CTNND2: variants seen among roughly 807,000 people sequenced by gnomAD.
The protein encoded by CTNND2 is catenin delta-2.
Under a neutral mutation model 144.4 loss-of-function variants are expected in CTNND2, and 22 were observed. The observed-to-expected ratio is 0.15, with a 90% confidence interval of 0.11 to 0.22. The LOEUF (loss-of-function observed/expected upper bound fraction) is 0.22. CTNND2 is among the 10% of genes least tolerant of loss of function. CTNND2 has a pLI of 1.00. For missense variants in CTNND2, 1,353 were observed against 1,618.8 expected, an observed-to-expected ratio of 0.84 and a Z score of 2.82; for synonymous variants, 751 against 695.6, an observed-to-expected ratio of 1.08 and a Z score of -1.25.
chr5:11,788,656 T>C (rs1442909384), intron 1 of CTNND2, among the ~76,000 whole-genome samples: 2 of 152,168 alleles, frequency 1.3e-5, no homozygotes, highest in Non-Finnish European at 1.5e-5. Context: ...TGCTCATGCA[T>C]ACTTTGTCTT....
chr5:11,402,688 A>T (rs1760737570), intron 5 of CTNND2, among the ~76,000 whole-genome samples: 1 of 152,192 alleles, frequency 6.6e-6, no homozygotes, highest in African/African-American at 2.4e-5. Flanking sequence ...CAGCGCATCT[A>T]CCATTCCAAA....
intron 3 of CTNND2, among the ~76,000 whole-genome samples, chr5:11,455,309 C>A (rs561439200): frequency 2.0e-5 from 3 of 152,094 alleles, no homozygotes; most frequent in Non-Finnish European, 4.4e-5. Context: ...GTGCAAAGAA[C>A]GATACTTATT....
intron 3 of CTNND2, among the ~76,000 whole-genome samples, chr5:11,434,848 G>A (rs1763618015): frequency 6.6e-6 from 1 of 152,068 alleles, no homozygotes; most frequent in African/African-American, 2.4e-5. Flanking sequence ...ATGTTGTGTA[G>A]TATGCCAGAA....
At position 11,161,522 on chromosome 5, in the gene CTNND2, A is replaced by G. The variant is rs1758765588; in HGVS notation, c.1976-1763T>C. On this transcript the variant is annotated intron_variant, in intron 11 of 21. Coordinates refer to ENST00000304623, the MANE Select transcript of CTNND2 (RefSeq NM_001332.4). ...TTCATCCATTGAGAAATGTTTTGCC[A>G]AAGTTTGGTAATCTAAATAATCAAA... 2.0e-5 allele frequency among the ~76,000 whole-genome samples: 3 copies of G among 152,220 alleles called. No homozygotes were observed. The South Asian group carries it at 6.2e-4, about 32-fold the overall frequency.
At chr5:11,285,917 A>G (rs1362140586) in intron 9 of CTNND2, among the ~76,000 whole-genome samples, 2 of 152,264 alleles carry the variant, frequency 1.3e-5, no homozygotes, top group South Asian at 4.1e-4. Flanking sequence ...ACAGTGTAAT[A>G]TAAGTGTTAA....
chr5:11,820,556 G>A lies in CTNND2; in HGVS notation c.37+83261C>T, dbSNP rs577883742. On this transcript the variant is annotated intron_variant, in intron 1 of 21. Transcript: ENST00000304623. ...ATAGTCCCAGCTCACAAACTAAGAC[G>A]TGCTCATGAAGAGTTTTACATATTA... is the stretch of plus-strand genomic sequence containing the variant. 3.3e-5 allele frequency among the ~76,000 whole-genome samples: 5 copies of A among 152,272 alleles called. No individual in the cohort carries two copies. In the South Asian group the frequency reaches 6.2e-4, roughly 19 times the overall value.
intron 2 of CTNND2, among the ~76,000 whole-genome samples, chr5:11,653,619 T>C (rs1782762194): frequency 1.3e-5 from 2 of 152,128 alleles, no homozygotes; most frequent in Admixed American, 1.3e-4. Context: ...ATATGAGCTC[T>C]GTTATATATT....
intron 1 of CTNND2, among the ~76,000 whole-genome samples, chr5:11,876,260 G>A (rs1735560137): frequency 6.6e-6 from 1 of 151,438 alleles, no homozygotes; most frequent in Non-Finnish European, 1.5e-5. Flanking sequence ...GGAGGCAGGA[G>A]AGGGCAGGAA....
At chr5:11,772,761 G>A (rs1790022635) in intron 1 of CTNND2, among the ~76,000 whole-genome samples, 1 of 152,114 alleles carries the variant, frequency 6.6e-6, no homozygotes, top group South Asian at 2.1e-4. Flanking sequence ...AGCCACGGTG[G>A]GGGAGTCCGG....
intron 16 of CTNND2, 59 bp downstream of exon 16, chr5:11,082,637 C>T: frequency 6.3e-7 from 1 of 1,587,292 alleles, no homozygotes. Flanking sequence ...ACCACACCTA[C>T]CCCTAGAGAA....
At chr5:11,141,395 T>A (rs951306817) in intron 12 of CTNND2, among the ~76,000 whole-genome samples, 9 of 152,212 alleles carry the variant, frequency 5.9e-5, no homozygotes, top group African/African-American at 1.7e-4. Flanking sequence ...TTTACCTGTT[T>A]TCTATGTGGC....
In CTNND2 at chr5:11,616,813, G is replaced by A. The variant is rs1183465944; in HGVS notation, c.175-51757C>T. ...GCAGAGACAGCGTTTCGCCATGTCA[G>A]CCAGTCTTGTCTCAAATTCCTGGCC... is the stretch of plus-strand genomic sequence containing the variant. On this transcript the variant is annotated intron_variant, in intron 2 of 21. Coordinates refer to ENST00000304623, the MANE Select transcript of CTNND2 (RefSeq NM_001332.4). Among the ~76,000 whole-genome samples, 3 of 152,132 alleles carry A rather than the reference G, an allele frequency of 2.0e-5. No individual in the cohort carries two copies. The East Asian group carries it at 5.8e-4, about 29-fold the overall frequency.
At chr5:11,591,045 T>C (rs1047886985) in intron 2 of CTNND2, among the ~76,000 whole-genome samples, 3 of 152,238 alleles carry the variant, frequency 2.0e-5, no homozygotes, top group African/African-American at 4.8e-5. Flanking sequence ...AGAAAGTTCA[T>C]GGGTGCCTGT....
intron 16 of CTNND2, among the ~76,000 whole-genome samples, chr5:11,075,455 G>A (rs1748844248): frequency 6.6e-6 from 1 of 152,232 alleles, no homozygotes; most frequent in African/African-American, 2.4e-5. Context: ...GCAGAATGTA[G>A]GGAAACAGTC....
At chr5:11,615,693 T>C (rs1361090727) in intron 2 of CTNND2, among the ~76,000 whole-genome samples, 2 of 152,192 alleles carry the variant, frequency 1.3e-5, no homozygotes, top group African/African-American at 4.8e-5. Context: ...TGGCTGTTAG[T>C]TCTCTCTCCA....
chr5:11,547,717 C>G (rs1775368289), intron 3 of CTNND2, among the ~76,000 whole-genome samples: 2 of 152,154 alleles, frequency 1.3e-5, no homozygotes, highest in African/African-American at 4.8e-5. Flanking sequence ...AGATTTGCAA[C>G]AACAGCACCA....
intron 1 of CTNND2, among the ~76,000 whole-genome samples, chr5:11,753,823 T>A (rs1484368682): frequency 6.6e-6 from 1 of 151,798 alleles, no homozygotes; most frequent in Non-Finnish European, 1.5e-5. Context: ...GTTCGCAGTG[T>A]TTTTATTACT....
chr5:11,026,849 G>A (rs970776480), intron 16 of CTNND2, among the ~76,000 whole-genome samples: 7 of 152,176 alleles, frequency 4.6e-5, no homozygotes, highest in African/African-American at 1.7e-4. Context: ...GCAACTGACA[G>A]GGCTTGGAGC....
chr5:11,554,433 T>C (rs1054107959), intron 3 of CTNND2, among the ~76,000 whole-genome samples: 2 of 152,206 alleles, frequency 1.3e-5, no homozygotes, highest in Non-Finnish European at 2.9e-5. Flanking sequence ...TTTGAATGCA[T>C]GTGCTTGGGG....
Sources: gnomAD v4.1 joint callset for allele counts (sites outside exome capture counted in the v4.1 genomes callset) on GRCh38, gnomAD v4.1.1 for gene constraint, MANE v1.5 for transcripts, NCBI Gene and HGNC (gene_info 2026-07-23, HGNC 2026-07-21) for gene names.